The following MICAL3 variants were observed in gnomAD, a reference collection of about 807,000 sequenced individuals.
MICAL3 encodes microtubule associated monooxygenase, calponin and LIM domain containing 3, also known as [F-actin]-monooxygenase MICAL3.
MICAL3 carries 62 observed loss-of-function variants against 207.4 expected under a neutral mutation model. The observed-to-expected ratio is 0.30, with a 90% confidence interval of 0.24 to 0.37. MICAL3 has a LOEUF of 0.37. Among genes scored for constraint, MICAL3 ranks in the 10% least tolerant of loss-of-function variants. MICAL3 has a pLI of 1.00. For missense variants in MICAL3, 2,368 were observed against 2,635.6 expected (o/e 0.90, Z 2.22); for synonymous variants, 1,077 against 1,069.3 (o/e 1.01, Z -0.14).
At chr22:17,932,979 T>G (rs1426174813) in intron 1 of MICAL3, among the ~76,000 whole-genome samples, 1 of 152,162 alleles carries the variant, frequency 6.6e-6, no homozygotes, top group Non-Finnish European at 1.5e-5. Flanking sequence ...AGCAAGTCCC[T>G]AGAGACCTAC....
At chr22:17,881,405 A>C in intron 16 of MICAL3, 1 of 937,746 alleles carries the variant, frequency 1.1e-6, no homozygotes, top group Admixed American at 2.3e-5. Context: ...GAAGCACCCC[A>C]GGGAGGCCTT....
At chr22:17,863,311 T>G in intron 19 of MICAL3, 1 of 985,400 alleles carries the variant, frequency 1.0e-6, no homozygotes, top group Non-Finnish European at 1.2e-6. Flanking sequence ...AGTAGTCAGG[T>G]TCCTCAGAAA....
chr22:17,830,344 C>T (rs918647403), intron 21 of MICAL3, among the ~76,000 whole-genome samples: 4 of 152,204 alleles, frequency 2.6e-5, no homozygotes, highest in African/African-American at 4.8e-5. Context: ...CTGAATCTGT[C>T]AGTATGTGTT....
chr22:17,896,222 G>C (rs1930818984), intron 9 of MICAL3, 24 bp downstream of exon 9: 3 of 1,405,460 alleles, frequency 2.1e-6, no homozygotes, highest in Non-Finnish European at 3.0e-6. Flanking sequence ...CTCATGAAAG[G>C]AACCCCGGGT....
chr22:17,924,371 G>A (rs955109299), intron 1 of MICAL3, among the ~76,000 whole-genome samples: 16 of 152,106 alleles, frequency 1.1e-4, no homozygotes, highest in African/African-American at 3.4e-4. Context: ...TAAATATACC[G>A]CCTTGAGAAA....
chr22:17,827,202 C>G (rs544391993), intron 22 of MICAL3, among the ~76,000 whole-genome samples: 1 of 151,498 alleles, frequency 6.6e-6, no homozygotes, highest in African/African-American at 2.4e-5. Flanking sequence ...ACTGTGGAGG[C>G]CTCCTGGACA....
intron 16 of MICAL3, among the ~76,000 whole-genome samples, chr22:17,874,695 G>A (rs546530541): frequency 5.9e-5 from 9 of 152,284 alleles, no homozygotes; most frequent in South Asian, 2.1e-4. Flanking sequence ...GGCAATTGCG[G>A]GATCGATCCC....
Position 17,902,840 on chromosome 22 carries a change from C to G in MICAL3, c.473-93G>C. On this transcript the variant is annotated intron_variant, in intron 3 of 31. Transcript: ENST00000441493. This position sits in a 1 kb window ranked among gnomAD's most constrained non-coding sequence, Gnocchi z 4.5. ...TCAGGCTCCCACCCCGCCACCTACG[C>G]CCCCTTCATTCAGATTCCCAAAGCC... is the stretch of plus-strand genomic sequence containing the variant. 1 of 724,026 alleles carries G rather than the reference C, an allele frequency of 1.4e-6. No individual in the cohort carries two copies. Among genetic ancestry groups the G allele is most frequent in the South Asian group, 1.7e-5 (1 of 57,860 alleles). The allele number at this position is 724,026 out of a possible 1,614,324, so 44.9% of individuals were successfully genotyped here. A position where few individuals can be genotyped will look rare whatever the true frequency, so the allele number is the denominator to read the frequency against.
rs1430457713 is a variant in MICAL3, at chr22:17,796,136, C to T, written c.5651-4835G>A. On this transcript the variant is annotated intron_variant, in intron 29 of 31. Transcript: ENST00000441493. This position sits in a 1 kb window ranked among gnomAD's most constrained non-coding sequence, Gnocchi z 4.4. ...GCGCTGGCCACCCCTCCTGAGCTCC[C>T]GAGCAGTGAGCGGGTCCTGGTCAGA... Among the ~76,000 whole-genome samples the T allele has an allele frequency of 6.6e-6, 1 of 152,204 alleles. No homozygotes were observed. Among genetic ancestry groups the T allele is most frequent in the Non-Finnish European group, 1.5e-5 (1 of 68,036 alleles).
intron 19 of MICAL3, among the ~76,000 whole-genome samples, chr22:17,850,400 GT>G (rs565667574): frequency 0.015 from 1,127 of 74,302 alleles, 2 homozygotes; most frequent in African/African-American, 0.036. Flanking sequence ...TTTTGAATTA[GT>G]TTTTTTTTTT....
intron 1 of MICAL3, chr22:18,001,486 T>G (rs1014975335): frequency 6.6e-6 from 1 of 150,582 alleles, no homozygotes; most frequent in African/African-American, 2.4e-5. Context: ...GCGCGGTAGG[T>G]AGCAGCCGGA....
rs1390849125 is a variant in MICAL3 at position 17,902,155 on chromosome 22, A to G, written c.590-176T>C. Among the ~76,000 whole-genome samples the G allele has an allele frequency of 6.6e-6, 1 of 152,202 alleles. No homozygotes were observed. The highest frequency in any genetic ancestry group is 2.4e-5 in the African/African-American group (1 of 41,446). ...GGCTCGTGCCTCTAATCCCAGCACT[A>G]TGCGAGGCAGAGGCTGGCAGACTAC... On this transcript the variant is annotated intron_variant, in intron 4 of 31. Transcript: ENST00000441493. This position sits in a 1 kb window ranked among gnomAD's most constrained non-coding sequence, Gnocchi z 4.5.
rs71966425 is a variant in MICAL3, at chr22:17,843,120, CAAAAAAAA to C, written c.2606-1111_2606-1104del. 4.3e-4 allele frequency among the ~76,000 whole-genome samples: 27 copies of C among 62,892 alleles called. No homozygotes were observed. The Admixed American group carries it at 4.4e-3, about 10-fold the overall frequency. 41.3% of individuals were successfully genotyped at this position (62,892 alleles called of 152,430 possible). On this transcript the variant is annotated intron_variant, in intron 19 of 31. Transcript: ENST00000441493. The stretch of plus-strand genomic sequence containing the variant: ...TGGGTGACAAAGCGAGACTTCATCT[CAAAAAAAA>C]AAAAAAAAAAAAAAATCCCATCACT...
chr22:17,821,593 T>A (rs955329837), intron 24 of MICAL3, 84 bp from the exon 25 acceptor site: 1 of 1,150,556 alleles, frequency 8.7e-7, no homozygotes, highest in African/African-American at 1.6e-5. Flanking sequence ...CCCCAGAGGG[T>A]GGAGGGGAGG....
In MICAL3 at chr22:17,887,178, A is replaced by C. The variant is rs757243763; in HGVS notation, c.2059T>G (p.Ser687Ala). 30 of 1,613,348 alleles carry C rather than the reference A, an allele frequency of 1.9e-5. No individual in the cohort carries two copies. The South Asian group carries it at 3.0e-4, about 16-fold the overall frequency. Residue 687 changes from serine to alanine, a missense_variant, in exon 15 of 32, where the codon TCA becomes GCA. This residue lies in a region of MICAL3 where 1,770 missense variants were observed against 1,863.2 expected (regional missense o/e 0.95). Coordinates refer to ENST00000441493, the MANE Select transcript of MICAL3 (RefSeq NM_015241.3). ...GAGKRRKTSQSEEEEAPRGHR... is the reference protein window; with the variant it reads ...GAGKRRKTSQAEEEEAPRGHR... ...CCCCAAGTGAATCTCACCTCCTCTGATTGACTGGTCTTTCTCCTCTTCCCA... is the reference window on the plus strand; with the variant it reads ...CCCCAAGTGAATCTCACCTCCTCTGCTTGACTGGTCTTTCTCCTCTTCCCA...
intron 1 of MICAL3, among the ~76,000 whole-genome samples, chr22:18,015,905 CTATAA>C (rs949899752): frequency 3.9e-5 from 6 of 152,154 alleles, no homozygotes; most frequent in African/African-American, 1.4e-4. Flanking sequence ...TAAACTGTCC[CTATAA>C]TATTAGACAT....
In MICAL3 at chr22:17,899,496, A is replaced by G. The variant is rs1931145007; in HGVS notation, c.900T>C (p.Val300=). The G allele has an allele frequency of 1.2e-6, 2 of 1,610,476 alleles. No homozygotes were observed. The highest frequency in any genetic ancestry group is 2.7e-5 in the African/African-American group (2 of 75,020). Residue 300 remains valine, a synonymous_variant, in exon 7 of 32, where the codon GTT becomes GTC. Transcript: ENST00000441493. The part of the protein sequence containing the change: ...VYYKDDTHYF[V]MTAKKQSLLD... ...GCAAACTCTGCTTTTTGGCTGTCATAACGAAATAGTGTGTGTCATCTTTGT... is the reference window on the plus strand; with the variant it reads ...GCAAACTCTGCTTTTTGGCTGTCATGACGAAATAGTGTGTGTCATCTTTGT...
chr22:17,797,125 T>C (rs1370669899), intron 29 of MICAL3, among the ~76,000 whole-genome samples: 1 of 152,204 alleles, frequency 6.6e-6, no homozygotes, highest in East Asian at 1.9e-4. Context: ...TTAGTCCTTC[T>C]GGTACTCGAA....
At chr22:17,797,408 T>C (rs2061887976) in intron 29 of MICAL3, among the ~76,000 whole-genome samples, 1 of 152,158 alleles carries the variant, frequency 6.6e-6, no homozygotes, top group Non-Finnish European at 1.5e-5. Context: ...GTGGGAGGGC[T>C]GCTTGAGCCC....
Sources: gnomAD v4.1 joint callset for allele counts (sites outside exome capture counted in the v4.1 genomes callset) on GRCh38, gnomAD v4.1.1 for gene constraint, gnomAD v4.1.1 regional missense constraint, Gnocchi (gnomAD v3.1) non-coding constraint, MANE v1.5 for transcripts, NCBI Gene and HGNC (gene_info 2026-07-23, HGNC 2026-07-21) for gene names.